NANOS3: variants seen among roughly 807,000 people sequenced by gnomAD.
NANOS3 encodes nanos C2HC-type zinc finger 3.
NANOS3 carries 11 observed loss-of-function variants against 13.8 expected under a neutral mutation model. The observed-to-expected ratio is 0.80, with a 90% confidence interval of 0.50 to 1.32. The LOEUF (loss-of-function observed/expected upper bound fraction) is 1.32, where lower values mean the gene tolerates loss of function less well. NANOS3 is among the 40% of genes most tolerant of loss of function. The pLI is 0.00. For synonymous variants in NANOS3, 119 were observed against 115.4 expected (o/e 1.03, Z -0.20); for missense variants, 221 against 263.8 (o/e 0.84, Z 1.12).
At chr19:13,875,014 G>A (rs775509827), upstream of NANOS3, 1 of 469,986 alleles carries the variant, frequency 2.1e-6, no homozygotes, top group Non-Finnish European at 4.4e-6. Flanking sequence ...ATGGGGACTG[G>A]GGACAGGACC....
At chr19:13,865,769 G>A (rs1269127374) in intron 1 of NANOS3, among the ~76,000 whole-genome samples, 36 of 150,484 alleles carry the variant, frequency 2.4e-4, no homozygotes, top group South Asian at 4.2e-4. Flanking sequence ...GCGGGGCGGG[G>A]ACGCGCGATG....
chr19:13,865,579 C>T (rs1022020623), intron 1 of NANOS3: 1 of 146,974 alleles, frequency 6.8e-6, no homozygotes, highest in Non-Finnish European at 1.5e-5. Context: ...GCCCCGGCCT[C>T]TGCGGCCCGG....
chr19:13,878,964 TG>T (rs1393087732), intron 1 of NANOS3, among the ~76,000 whole-genome samples: 1 of 148,966 alleles, frequency 6.7e-6, no homozygotes, highest in African/African-American at 2.5e-5. Context: ...TTTTCTGAGA[TG>T]GAGTCTTGCT....
At chr19:13,865,571 C>T (rs964066910) in intron 1 of NANOS3, 1 of 146,580 alleles carries the variant, frequency 6.8e-6, no homozygotes, top group Non-Finnish European at 1.5e-5. Flanking sequence ...GGGCGGGCGC[C>T]CCGGCCTCTG....
At chr19:13,876,842 C>T (rs1188549610), upstream of NANOS3, among the ~76,000 whole-genome samples, 1 of 152,198 alleles carries the variant, frequency 6.6e-6, no homozygotes, top group African/African-American at 2.4e-5. Context: ...CCCATTCTCC[C>T]CATCCTCCAG....
chr19:13,869,776 A>G lies in NANOS3; in HGVS notation n.21+4339A>G, dbSNP rs1437462929. Among the ~76,000 whole-genome samples, 11 of 148,476 alleles carry G rather than the reference A, an allele frequency of 7.4e-5. No homozygotes were observed. In the East Asian group the frequency reaches 9.9e-4, roughly 13 times the overall value. ...AGTACACACACACACACACGCACGC[A>G]CACACACACACACACGCACACACAT... On this transcript the variant is annotated intron_variant and non_coding_transcript_variant, in intron 1 of 2. Coordinates refer to the NANOS3 transcript ENST00000591161.
chr19:13,875,798 G>A (rs960370086), upstream of NANOS3, among the ~76,000 whole-genome samples: 8 of 152,098 alleles, frequency 5.3e-5, no homozygotes, highest in Middle Eastern at 3.4e-3. Flanking sequence ...AATCCTCCTC[G>A]GCCTCTCAAA....
Position 13,877,256 on chromosome 19 carries a change from C to T in NANOS3, c.8C>T (p.Thr3Ile), listed in dbSNP as rs1334347747. The T allele has an allele frequency of 6.2e-7, 1 of 1,608,422 alleles. No homozygotes were observed. The highest frequency in any genetic ancestry group is 1.1e-5 in the South Asian group (1 of 90,966). ...GGCACATGCTGCCCAGCTATGGGGA[C>T]CTTTGACCTGTGGACAGATTACCTG... MG[T>I]FDLWTDYLGL... Residue 3 changes from threonine (T) to isoleucine (I), a missense_variant, in exon 1 of 2, where the codon ACC (threonine) becomes ATC (isoleucine). Thr to Ile is a moderately conservative substitution (Grantham distance 89). Transcript: ENST00000339133.
intron 1 of NANOS3, among the ~76,000 whole-genome samples, chr19:13,867,654 C>G (rs1048889984): frequency 6.6e-6 from 1 of 151,938 alleles, no homozygotes; most frequent in Non-Finnish European, 1.5e-5. Flanking sequence ...CTCAAACTCT[C>G]AGACTCAAAT....
chr19:13,880,450 G>A lies in NANOS3; in HGVS notation c.526G>A (p.Gly176Ser), dbSNP rs772927932. ...RGGGGGAGFR[G>S]AGKSEPSPSC... ...CCCTCCCCCTCCACTAGGTTTCAGAGGTGCCGGGAAGTCTGAGCCTTCGCC... is the reference window on the plus strand; with the variant it reads ...CCCTCCCCCTCCACTAGGTTTCAGAAGTGCCGGGAAGTCTGAGCCTTCGCC... Residue 176 changes from glycine to serine, a missense_variant, in exon 2 of 2, where the codon GGT (glycine) becomes AGT (serine). Gly to Ser is a moderately conservative substitution (Grantham distance 56, BLOSUM62 0). Around this residue, in one of 3 missense-constraint regions of NANOS3, gnomAD observed 60 missense variants for 56.5 expected, o/e 1.06. Coordinates refer to ENST00000339133, the MANE Select transcript of NANOS3 (RefSeq NM_001098622.3). The A allele has an allele frequency of 3.7e-6, 6 of 1,614,018 alleles. No homozygotes were observed. The highest frequency in any genetic ancestry group is 2.2e-5 in the East Asian group (1 of 44,884).
chr19:13,868,949 T>G (rs1976283574), intron 1 of NANOS3, among the ~76,000 whole-genome samples: 1 of 151,606 alleles, frequency 6.6e-6, no homozygotes, highest in Non-Finnish European at 1.5e-5. Context: ...ACACAGCTGG[T>G]GGAGAGACAG....
chr19:13,871,680 G>T (rs114175455), intron 1 of NANOS3, among the ~76,000 whole-genome samples: 1 of 151,806 alleles, frequency 6.6e-6, no homozygotes, highest in East Asian at 1.9e-4. Flanking sequence ...ATGACCCCCC[G>T]CCCCCAACAT....
upstream of NANOS3, among the ~76,000 whole-genome samples, chr19:13,875,693 G>T (rs995346749): frequency 6.6e-6 from 1 of 151,776 alleles, no homozygotes; most frequent in Non-Finnish European, 1.5e-5. Flanking sequence ...CCACGGGCAC[G>T]CACCACCACA....
At chr19:13,875,843 AAATG>A (rs1255617925), upstream of NANOS3, among the ~76,000 whole-genome samples, 1 of 152,192 alleles carries the variant, frequency 6.6e-6, no homozygotes, top group Non-Finnish European at 1.5e-5. Flanking sequence ...AAAGTTTCTT[AAATG>A]AATGGATGGG....
upstream of NANOS3, among the ~76,000 whole-genome samples, chr19:13,874,254 A>G (rs1432685132): frequency 6.6e-6 from 1 of 152,138 alleles, no homozygotes; most frequent in African/African-American, 2.4e-5. Flanking sequence ...TGAAGCTCCC[A>G]GAACGTATTA....
At chr19:13,866,188 GCCCCGAATCCCAC>G (rs2145063595) in intron 1 of NANOS3, among the ~76,000 whole-genome samples, 1 of 152,266 alleles carries the variant, frequency 6.6e-6, no homozygotes, top group South Asian at 2.1e-4. Context: ...AGGGAAAATG[GCCCCGAATCCCAC>G]TGCCGGGGAG....
chr19:13,872,649 A>G (rs1306635071), upstream of NANOS3, among the ~76,000 whole-genome samples: 1 of 152,216 alleles, frequency 6.6e-6, no homozygotes, highest in Non-Finnish European at 1.5e-5. Flanking sequence ...TCTCCTCCTT[A>G]GAATGATGAT....
chr19:13,863,214 C>T (rs971358523), upstream of NANOS3, among the ~76,000 whole-genome samples: 12 of 152,058 alleles, frequency 7.9e-5, no homozygotes, highest in South Asian at 1.0e-3. Flanking sequence ...TTCCCCAATA[C>T]GCTCTTTTTT....
chr19:13,877,069 C>T (rs545550997), upstream of NANOS3, among the ~76,000 whole-genome samples: 5 of 152,252 alleles, frequency 3.3e-5, no homozygotes, highest in South Asian at 8.3e-4. Context: ...GAACCTCCCA[C>T]AGCCTGCTCC....
Sources: gnomAD v4.1 joint callset for allele counts (sites outside exome capture counted in the v4.1 genomes callset) on GRCh38, gnomAD v4.1.1 for gene constraint, gnomAD v4.1.1 regional missense constraint, MANE v1.5 for transcripts, NCBI Gene and HGNC (gene_info 2026-07-23, HGNC 2026-07-21) for gene names.